The following LAMA2 variants were observed in gnomAD, a reference collection of about 807,000 sequenced individuals.
LAMA2 encodes the protein laminin subunit alpha-2.
A neutral mutation model predicts 364.8 loss-of-function variants in LAMA2; 269 were observed. That is an observed-to-expected ratio of 0.74 (90% CI 0.67 to 0.82). LAMA2 has a LOEUF of 0.82. LAMA2 is among the 40% of genes least tolerant of loss of function. The pLI is 0.00. For missense variants in LAMA2, 3,807 were observed against 3,873.2 expected, an observed-to-expected ratio of 0.98 and a Z score of 0.45; for synonymous variants, 1,379 against 1,370.6, an observed-to-expected ratio of 1.01 and a Z score of -0.14.
chr6:129,308,413 T>A (rs561004725), intron 22 of LAMA2, among the ~76,000 whole-genome samples: 1 of 152,222 alleles, frequency 6.6e-6, no homozygotes, highest in Non-Finnish European at 1.5e-5. Flanking sequence ...CTAATTAAAC[T>A]CTTGAAATTG....
chr6:129,477,086 A>G (rs958747548), intron 53 of LAMA2, among the ~76,000 whole-genome samples: 1 of 152,216 alleles, frequency 6.6e-6, no homozygotes, highest in African/African-American at 2.4e-5. Context: ...CCGACTGGAC[A>G]GTTTTTACCG....
chr6:129,093,695 A>G (rs984691142), intron 3 of LAMA2, among the ~76,000 whole-genome samples: 2 of 152,234 alleles, frequency 1.3e-5, no homozygotes, highest in African/African-American at 2.4e-5. Context: ...CAGTAATTAA[A>G]TGATATTTTG....
chr6:129,228,243 C>G (rs1032035783), intron 12 of LAMA2, among the ~76,000 whole-genome samples: 1 of 152,174 alleles, frequency 6.6e-6, no homozygotes, highest in Non-Finnish European at 1.5e-5. Flanking sequence ...CTTCCCTTGG[C>G]TAGGAAAGGG....
intron 32 of LAMA2, among the ~76,000 whole-genome samples, chr6:129,359,366 C>T (rs906231001): frequency 2.7e-5 from 4 of 150,590 alleles, no homozygotes; most frequent in African/African-American, 4.9e-5. Flanking sequence ...CTTGGTATGT[C>T]GACAAATTCA....
At chr6:129,298,205 G>A (rs976510744) in intron 21 of LAMA2, among the ~76,000 whole-genome samples, 1 of 41,870 alleles carries the variant, frequency 2.4e-5, no homozygotes, top group Admixed American at 3.1e-4. Context: ...CTTAGTTTAA[G>A]CTCAAACCCC....
At chr6:128,901,377 C>A (rs1412857803) in intron 1 of LAMA2, among the ~76,000 whole-genome samples, 4 of 152,104 alleles carry the variant, frequency 2.6e-5, no homozygotes, top group Non-Finnish European at 5.9e-5. Flanking sequence ...TTTAGAAAAT[C>A]TTGGGATTCT....
chr6:128,981,738 A>G (rs922090618), intron 1 of LAMA2, among the ~76,000 whole-genome samples: 2 of 152,182 alleles, frequency 1.3e-5, no homozygotes, highest in African/African-American at 4.8e-5. Context: ...TGACAGAGCC[A>G]GAGCCTGTCT....
At chr6:129,481,545 T>C (rs898507696) in intron 55 of LAMA2, 106 bp downstream of exon 55, 3 of 972,796 alleles carry the variant, frequency 3.1e-6, no homozygotes, top group African/African-American at 3.2e-5. Context: ...GCTCTCATCT[T>C]GGCTAGCAAG....
intron 1 of LAMA2, among the ~76,000 whole-genome samples, chr6:128,908,025 G>A (rs1011846150): frequency 2.6e-5 from 4 of 151,906 alleles, no homozygotes; most frequent in African/African-American, 9.7e-5. Context: ...TGTGCTGCTG[G>A]ATTTGTTTTG....
chr6:129,477,887 G>T lies in LAMA2; in HGVS notation c.7452-806G>T, dbSNP rs541339605. On this transcript the variant is annotated intron_variant, in intron 53 of 64. Coordinates refer to ENST00000421865, the MANE Select transcript of LAMA2 (RefSeq NM_000426.4). ...CAGCCTTGGCCTCCTGGGCTCAAAA[G>T]ATCCTCTCTCCTCAGCATCTCCAAG... 3.9e-5 allele frequency among the ~76,000 whole-genome samples: 6 copies of T among 152,256 alleles called. No homozygotes were observed. The South Asian group carries it at 1.2e-3, about 32-fold the overall frequency.
intron 1 of LAMA2, among the ~76,000 whole-genome samples, chr6:128,900,924 G>A (rs1330457954): frequency 1.3e-5 from 2 of 152,232 alleles, no homozygotes; most frequent in African/African-American, 4.8e-5. Flanking sequence ...GGCCAAGGCA[G>A]GAGGATGGCT....
intron 1 of LAMA2, among the ~76,000 whole-genome samples, chr6:128,936,488 A>T (rs1010286844): frequency 2.0e-5 from 3 of 152,118 alleles, no homozygotes; most frequent in Non-Finnish European, 4.4e-5. Flanking sequence ...CCCTTTATGC[A>T]TGGGGGATAC....
chr6:129,460,665 G>T (rs1319866893), intron 49 of LAMA2, among the ~76,000 whole-genome samples: 1 of 151,846 alleles, frequency 6.6e-6, no homozygotes, highest in African/African-American at 2.4e-5. Context: ...GTACCTCATT[G>T]TTATAATTTT....
At position 129,167,886 on chromosome 6, in the gene LAMA2, G is replaced by A. The variant is rs564865816; in HGVS notation, c.1306+2211G>A. ...TGGTGTGAGATGGTATCTCATTGTG[G>A]TTTTGATTTGCATTTCTCTGATGGC... On this transcript the variant is annotated intron_variant, in intron 9 of 64. Transcript: ENST00000421865. Among the ~76,000 whole-genome samples, 38 of 150,288 alleles carry A rather than the reference G, an allele frequency of 2.5e-4. 1 individual carries two copies. The South Asian group carries it at 8.1e-3, about 32-fold the overall frequency.
chr6:129,184,185 G>A (rs965646831), intron 10 of LAMA2, among the ~76,000 whole-genome samples: 3 of 151,678 alleles, frequency 2.0e-5, no homozygotes, highest in African/African-American at 7.3e-5. Flanking sequence ...ATTGGTTTTG[G>A]ATTTCCCTCT....
chr6:128,918,575 T>C (rs772217284), intron 1 of LAMA2, among the ~76,000 whole-genome samples: 2 of 152,218 alleles, frequency 1.3e-5, no homozygotes, highest in African/African-American at 2.4e-5. Context: ...CCCAACCTAT[T>C]GTAGAACTAA....
chr6:129,139,457 G>A (rs958110527), intron 4 of LAMA2, among the ~76,000 whole-genome samples: 1 of 151,904 alleles, frequency 6.6e-6, no homozygotes, highest in Admixed American at 6.6e-5. Flanking sequence ...CATTGTATTG[G>A]GTATTTAAAG....
rs138851354 is a variant in LAMA2, at chr6:129,015,106, C to T, written c.113-34812C>T. Among the ~76,000 whole-genome samples, 505 of 152,098 alleles carry T rather than the reference C, an allele frequency of 3.3e-3. 2 individuals carry two copies. The highest frequency in any genetic ancestry group is 0.012 in the African/African-American group (485 of 41,524). On this transcript the variant is annotated intron_variant, in intron 1 of 64. Coordinates refer to ENST00000421865, the MANE Select transcript of LAMA2 (RefSeq NM_000426.4). ...AATATATATCATTTATAGATACAAG[C>T]ATAGAGTTTAAATTCAGGTAATCTT...
chr6:129,228,062 T>C (rs929275599), intron 12 of LAMA2, among the ~76,000 whole-genome samples: 1 of 152,142 alleles, frequency 6.6e-6, no homozygotes, highest in Non-Finnish European at 1.5e-5. Flanking sequence ...GCTGCCACCT[T>C]GCAGTTCAGT....
Sources: allele counts gnomAD v4.1 joint callset (sites outside exome capture counted in the v4.1 genomes callset), GRCh38; gene constraint gnomAD v4.1.1; transcripts MANE v1.5; gene names NCBI Gene and HGNC (gene_info 2026-07-23, HGNC 2026-07-21).